ZNF385D: variants seen among roughly 807,000 people sequenced by gnomAD.
ZNF385D encodes zinc finger protein 385D, also known as zinc finger protein 659.
In ZNF385D, 15 loss-of-function variants were observed where a neutral mutation model predicts 35.8. The observed-to-expected ratio is 0.42, with a 90% CI of 0.28 to 0.64. The LOEUF is 0.64. ZNF385D is among the 30% of genes least tolerant of loss of function. The probability of loss-of-function intolerance (pLI) is 0.23; values close to 1 mark genes in which losing one functional copy is unlikely to be tolerated. For missense variants in ZNF385D, 474 were observed against 494.6 expected (o/e 0.96, Z 0.39); for synonymous variants, 212 against 186.8 (o/e 1.13, Z -1.10).
intron 5 of ZNF385D, among the ~76,000 whole-genome samples, chr3:21,430,075 A>G (rs1022901769): frequency 3.3e-5 from 5 of 152,124 alleles, no homozygotes; most frequent in African/African-American, 1.2e-4. Context: ...AAAAATCTCT[A>G]AATATCAAGT....
At chr3:21,729,068 T>C (rs978265971) in intron 1 of ZNF385D, among the ~76,000 whole-genome samples, 1 of 152,192 alleles carries the variant, frequency 6.6e-6, no homozygotes. Flanking sequence ...TGTTCTGTAA[T>C]GCCTGTATTC....
chr3:22,174,897 T>C (rs1337419945), intron 2 of ZNF385D, among the ~76,000 whole-genome samples: 2 of 152,010 alleles, frequency 1.3e-5, no homozygotes, highest in East Asian at 3.8e-4. Flanking sequence ...TAAAAATAAC[T>C]TCATTGAAAA....
At chr3:22,277,372 A>C (rs1701482644) in intron 2 of ZNF385D, among the ~76,000 whole-genome samples, 1 of 152,102 alleles carries the variant, frequency 6.6e-6, no homozygotes, top group African/African-American at 2.4e-5. Context: ...CTTTTATGGG[A>C]TACAAGGACC....
chr3:21,978,954 A>C (rs1470043887), intron 3 of ZNF385D, among the ~76,000 whole-genome samples: 1 of 152,224 alleles, frequency 6.6e-6, no homozygotes, highest in Non-Finnish European at 1.5e-5. Flanking sequence ...TTAATATCTA[A>C]AATTGGAAAT....
At chr3:21,971,425 T>A (rs1327267248) in intron 3 of ZNF385D, among the ~76,000 whole-genome samples, 1 of 151,848 alleles carries the variant, frequency 6.6e-6, no homozygotes, top group Non-Finnish European at 1.5e-5. Flanking sequence ...AATCATGGGT[T>A]ATAAGATATT....
chr3:22,084,278 C>G (rs1700913318), intron 3 of ZNF385D, among the ~76,000 whole-genome samples: 1 of 152,176 alleles, frequency 6.6e-6, no homozygotes, highest in Admixed American at 6.5e-5. Flanking sequence ...TTAAAAGACA[C>G]AGACTGGCAA....
At chr3:22,093,377 T>C (rs1163242995) in intron 3 of ZNF385D, among the ~76,000 whole-genome samples, 2 of 151,732 alleles carry the variant, frequency 1.3e-5, no homozygotes, top group African/African-American at 4.8e-5. Flanking sequence ...AATATAGTTA[T>C]AATTTAATAA....
chr3:21,676,162 T>G (rs1411591274), intron 1 of ZNF385D, among the ~76,000 whole-genome samples: 1 of 152,120 alleles, frequency 6.6e-6, no homozygotes, highest in African/African-American at 2.4e-5. Flanking sequence ...GGGCCTATAT[T>G]TAGCACATCT....
At chr3:21,727,919 G>T (rs1484470696) in intron 1 of ZNF385D, among the ~76,000 whole-genome samples, 1 of 152,114 alleles carries the variant, frequency 6.6e-6, no homozygotes, top group Non-Finnish European at 1.5e-5. Flanking sequence ...CAACCCAAAT[G>T]TCCATCAATG....
At chr3:22,142,800 A>G (rs2125706176) in intron 3 of ZNF385D, among the ~76,000 whole-genome samples, 1 of 152,076 alleles carries the variant, frequency 6.6e-6, no homozygotes, top group East Asian at 1.9e-4. Context: ...TCCCAAGCCT[A>G]AGGACACAGC....
intron 3 of ZNF385D, among the ~76,000 whole-genome samples, chr3:21,842,227 T>A (rs1695726364): frequency 6.6e-6 from 1 of 151,956 alleles, no homozygotes; most frequent in Non-Finnish European, 1.5e-5. Context: ...CTGCTCTGAA[T>A]CCCAGGCTGA....
At chr3:22,372,357 G>C (rs1235085791) in intron 2 of ZNF385D, 1 of 824,588 alleles carries the variant, frequency 1.2e-6, no homozygotes, top group Non-Finnish European at 1.5e-6. Context: ...CTCGCGCCTG[G>C]TATCCCGCAG....
chr3:21,772,550 AAG>A (rs1449426361), intron 3 of ZNF385D, among the ~76,000 whole-genome samples: 2 of 151,972 alleles, frequency 1.3e-5, no homozygotes, highest in Non-Finnish European at 2.9e-5. Flanking sequence ...AGTGGGAAAA[AAG>A]AAAATAACGT....
At chr3:22,360,705 T>C (rs1450273164) in intron 2 of ZNF385D, among the ~76,000 whole-genome samples, 1 of 151,994 alleles carries the variant, frequency 6.6e-6, no homozygotes, top group African/African-American at 2.4e-5. Flanking sequence ...TGAAAGGCAC[T>C]TTGTGTTGAC....
intron 3 of ZNF385D, among the ~76,000 whole-genome samples, chr3:21,515,968 TG>T (rs1166025670): frequency 1.3e-5 from 2 of 152,224 alleles, no homozygotes; most frequent in African/African-American, 4.8e-5. Flanking sequence ...TCTTTTGAGA[TG>T]TTTTTCAGAC....
intron 3 of ZNF385D, among the ~76,000 whole-genome samples, chr3:21,910,084 T>TACACACACACACACACACACACACAC (rs112815077): frequency 4.2e-4 from 63 of 149,342 alleles, no homozygotes; most frequent in Middle Eastern, 3.4e-3. Context: ...ACATATATTT[T>TACACACACACACACACACACACACAC]ACACACACAC....
At chr3:21,450,259 C>T (rs1331915920) in intron 4 of ZNF385D, among the ~76,000 whole-genome samples, 1 of 152,150 alleles carries the variant, frequency 6.6e-6, no homozygotes, top group East Asian at 1.9e-4. Flanking sequence ...TCTTGGACCA[C>T]ACATTAGGAA....
intron 3 of ZNF385D, among the ~76,000 whole-genome samples, chr3:22,124,218 T>C (rs890182478): frequency 6.6e-6 from 1 of 152,026 alleles, no homozygotes; most frequent in African/African-American, 2.4e-5. Context: ...TCATTTATTA[T>C]GTCCTTCAGC....
intron 3 of ZNF385D, chr3:21,958,872 GA>G (rs1702430037): frequency 6.6e-6 from 1 of 151,954 alleles, no homozygotes; most frequent in Admixed American, 6.6e-5. Context: ...AATAATTCAA[GA>G]AAAAGAAATC....
Sources: gnomAD v4.1 joint callset for allele counts (sites outside exome capture counted in the v4.1 genomes callset) on GRCh38, gnomAD v4.1.1 for gene constraint, MANE v1.5 for transcripts, NCBI Gene and HGNC (gene_info 2026-07-23, HGNC 2026-07-21) for gene names.